GTF2E2: variants seen among roughly 807,000 people sequenced by gnomAD.
The protein encoded by GTF2E2 is transcription initiation factor IIE subunit beta.
In GTF2E2, 21 loss-of-function variants were observed where a neutral mutation model predicts 40.5. The ratio of observed to expected loss-of-function variants is 0.52; its 90% CI spans 0.37 to 0.75. The LOEUF is 0.75. GTF2E2 is among the 30% of genes least tolerant of loss of function. GTF2E2 has a pLI of 0.00. For missense variants in GTF2E2, 298 were observed against 338.4 expected (o/e 0.88, Z 0.94); for synonymous variants, 117 against 121.6 (o/e 0.96, Z 0.25).
chr8:30,625,825 C>T (rs1801255953), intron 3 of GTF2E2, among the ~76,000 whole-genome samples: 3 of 152,142 alleles, frequency 2.0e-5, no homozygotes, highest in African/African-American at 7.2e-5. Flanking sequence ...TCTCAAACTC[C>T]TGACCTCAAG....
chr8:30,594,659 A>G (rs1585943262), intron 6 of GTF2E2, among the ~76,000 whole-genome samples: 1 of 151,762 alleles, frequency 6.6e-6, no homozygotes, highest in Non-Finnish European at 1.5e-5. Flanking sequence ...GAAGTTCGAG[A>G]CCAGCCCAAC....
intron 3 of GTF2E2, among the ~76,000 whole-genome samples, chr8:30,622,469 G>A (rs1801136736): frequency 1.3e-5 from 2 of 151,970 alleles, no homozygotes; most frequent in African/African-American, 4.8e-5. Context: ...GAGGCAGGGC[G>A]AGATCACAGG....
intron 3 of GTF2E2, among the ~76,000 whole-genome samples, chr8:30,630,517 CA>C (rs1439024922): frequency 2.0e-5 from 3 of 152,158 alleles, no homozygotes; most frequent in African/African-American, 7.2e-5. Context: ...TAAAGGTACA[CA>C]AAAGACAGTG....
At chr8:30,645,472 C>T (rs1802034213) in intron 2 of GTF2E2, 2 of 1,535,586 alleles carry the variant, frequency 1.3e-6, no homozygotes, top group African/African-American at 2.7e-5. Flanking sequence ...GCTGGCTTTC[C>T]TTTATGAAGT....
At chr8:30,637,981 A>G (rs535188491) in intron 2 of GTF2E2, among the ~76,000 whole-genome samples, 1 of 152,346 alleles carries the variant, frequency 6.6e-6, no homozygotes, top group East Asian at 1.9e-4. Flanking sequence ...TAAAGAGCCA[A>G]CCTGGAGATC....
intron 6 of GTF2E2, among the ~76,000 whole-genome samples, chr8:30,586,554 T>C (rs1490408165): frequency 6.6e-6 from 1 of 152,114 alleles, no homozygotes; most frequent in African/African-American, 2.4e-5. Context: ...AAAAGTCTAA[T>C]GGAAACACAC....
intron 3 of GTF2E2, among the ~76,000 whole-genome samples, chr8:30,626,513 T>C (rs1178728483): frequency 6.6e-6 from 1 of 152,210 alleles, no homozygotes; most frequent in Admixed American, 6.5e-5. Context: ...AAATGTATTG[T>C]GAAGTTTTCA....
chr8:30,617,061 C>A (rs1800940829), intron 3 of GTF2E2, among the ~76,000 whole-genome samples: 4 of 152,004 alleles, frequency 2.6e-5, no homozygotes, highest in Admixed American at 1.3e-4. Context: ...TATTATACAA[C>A]TTTACTTTTT....
chr8:30,619,115 T>C (rs891498493), intron 3 of GTF2E2, among the ~76,000 whole-genome samples: 9 of 151,960 alleles, frequency 5.9e-5, no homozygotes, highest in African/African-American at 1.9e-4. Flanking sequence ...CTAATTTTTG[T>C]ATTTTTAGTA....
At chr8:30,630,432 A>T (rs535539944) in intron 3 of GTF2E2, among the ~76,000 whole-genome samples, 12 of 152,226 alleles carry the variant, frequency 7.9e-5, no homozygotes, top group Non-Finnish European at 1.5e-4. Flanking sequence ...ATTCTTATTA[A>T]GCAATTAAAC....
At chr8:30,631,211 G>A (rs550104417) in intron 3 of GTF2E2, among the ~76,000 whole-genome samples, 1 of 152,200 alleles carries the variant, frequency 6.6e-6, no homozygotes, top group South Asian at 2.1e-4. Flanking sequence ...TTTTAGTAGA[G>A]ACGGGGTTTC....
At chr8:30,639,965 T>A (rs1199291853) in intron 2 of GTF2E2, among the ~76,000 whole-genome samples, 1 of 152,096 alleles carries the variant, frequency 6.6e-6, no homozygotes, top group Non-Finnish European at 1.5e-5. Context: ...AAGTCTCAGA[T>A]AAAATAAAAA....
At chr8:30,607,416 C>T (rs1829349031) in intron 5 of GTF2E2, among the ~76,000 whole-genome samples, 2 of 152,092 alleles carry the variant, frequency 1.3e-5, no homozygotes, top group Non-Finnish European at 2.9e-5. Context: ...GTAACTGGGA[C>T]CACTGGTGCA....
Position 30,579,009 on chromosome 8 carries a change from G to A in GTF2E2, c.788C>T (p.Ala263Val), listed in dbSNP as rs760180975. 2.5e-6 allele frequency: 4 copies of A among 1,606,560 alleles called. No homozygotes were observed. The South Asian group carries it at 4.4e-5, about 18-fold the overall frequency. The change falls in exon 8 of 8, where the codon GCT (alanine) becomes GTT (valine). Residue 263 changes from alanine (A) to valine (V), a missense_variant. Ala to Val is a moderately conservative substitution (Grantham distance 64). Transcript: ENST00000355904. ...VAPIQRRKKP[A>V]SQKKRRFKTH... ...CTTAAAGCGTCGCTTTTTCTGTGAAGCAGGCTTTTTCCTTCTCTGAATAGG... is the reference window on the plus strand; with the variant it reads ...CTTAAAGCGTCGCTTTTTCTGTGAAACAGGCTTTTTCCTTCTCTGAATAGG...
chr8:30,613,636 G>A (rs2979532), intron 4 of GTF2E2, among the ~76,000 whole-genome samples: 122,604 of 152,174 alleles, frequency 0.81, 50,237 homozygotes, highest in African/African-American at 0.93. Context: ...CATTGTTTGT[G>A]TATCACTAAT....
At chr8:30,642,641 C>T (rs553133522) in intron 2 of GTF2E2, among the ~76,000 whole-genome samples, 10 of 125,772 alleles carry the variant, frequency 8.0e-5, no homozygotes, top group Non-Finnish European at 1.3e-4. Flanking sequence ...GATTTCTCTG[C>T]AGATACAAGC....
chr8:30,607,556 T>C (rs890006345), intron 5 of GTF2E2, among the ~76,000 whole-genome samples: 5 of 152,344 alleles, frequency 3.3e-5, no homozygotes, highest in East Asian at 3.9e-4. Context: ...ACAGGGACTA[T>C]AGGTGTGAGC....
chr8:30,628,887 T>C (rs2978272), intron 3 of GTF2E2, among the ~76,000 whole-genome samples: 120,179 of 150,990 alleles, frequency 0.8, 48,345 homozygotes, highest in African/African-American at 0.89. Flanking sequence ...GCTGAGACAG[T>C]GCCACTGCAC....
intron 2 of GTF2E2, among the ~76,000 whole-genome samples, chr8:30,651,392 T>C (rs981367279): frequency 2.0e-5 from 3 of 151,994 alleles, no homozygotes; most frequent in Non-Finnish European, 4.4e-5. Context: ...TGTTTCTATA[T>C]ACTAGCAATG....
Sources: gnomAD v4.1 joint callset for allele counts (sites outside exome capture counted in the v4.1 genomes callset) on GRCh38, gnomAD v4.1.1 for gene constraint, MANE v1.5 for transcripts, NCBI Gene and HGNC (gene_info 2026-07-23, HGNC 2026-07-21) for gene names.